Variants in BTRC observed in about 807,000 individuals in gnomAD.
The protein encoded by BTRC is F-box/WD repeat-containing protein 1A.
In BTRC, 42 loss-of-function variants were observed where a neutral mutation model predicts 85.5. That is an observed-to-expected ratio of 0.49 (90% CI 0.38 to 0.64). BTRC has a LOEUF of 0.64. BTRC is among the 30% of genes least tolerant of loss of function. The probability of loss-of-function intolerance (pLI) is 0.00; values close to 1 mark genes in which losing one functional copy is unlikely to be tolerated. For missense variants in BTRC, 594 were observed against 743.5 expected, an observed-to-expected ratio of 0.80 and a Z score of 2.34; for synonymous variants, 255 against 263.3, an observed-to-expected ratio of 0.97 and a Z score of 0.30.
At chr10:101,495,906 C>CT (rs2134274399) in intron 4 of BTRC, among the ~76,000 whole-genome samples, 1 of 151,430 alleles carries the variant, frequency 6.6e-6, no homozygotes, top group Non-Finnish European at 1.5e-5. Context: ...CTACTACCCT[C>CT]TTTAAGTCAC....
intron 1 of BTRC, among the ~76,000 whole-genome samples, chr10:101,424,997 T>G (rs1032564923): frequency 6.6e-6 from 1 of 152,174 alleles, no homozygotes; most frequent in Non-Finnish European, 1.5e-5. Context: ...TTCCCTTCTT[T>G]ATGTCCATGT....
At chr10:101,495,695 G>A (rs1946241519) in intron 4 of BTRC, among the ~76,000 whole-genome samples, 1 of 152,186 alleles carries the variant, frequency 6.6e-6, no homozygotes, top group Non-Finnish European at 1.5e-5. Context: ...GGCTAGGACA[G>A]TCTATCTATA....
intron 3 of BTRC, among the ~76,000 whole-genome samples, chr10:101,473,282 A>G (rs1028533202): frequency 6.8e-6 from 1 of 147,276 alleles, no homozygotes; most frequent in Non-Finnish European, 1.5e-5. Context: ...AAGCCTCTCC[A>G]GTAAATTTTT....
At chr10:101,550,385 A>C (rs1476329615) in intron 13 of BTRC, among the ~76,000 whole-genome samples, 1 of 151,920 alleles carries the variant, frequency 6.6e-6, no homozygotes, top group Non-Finnish European at 1.5e-5. Flanking sequence ...CCCAGGTTCA[A>C]GCAATTCTTC....
chr10:101,448,791 G>A (rs910545298), intron 2 of BTRC, among the ~76,000 whole-genome samples: 2 of 151,910 alleles, frequency 1.3e-5, no homozygotes, highest in Admixed American at 6.6e-5. Flanking sequence ...AGGAAAGCAA[G>A]GGATATAATG....
chr10:101,393,000 C>T (rs1943276435), intron 1 of BTRC, among the ~76,000 whole-genome samples: 2 of 152,266 alleles, frequency 1.3e-5, no homozygotes, highest in South Asian at 4.1e-4. Flanking sequence ...CTTCTTTCAC[C>T]TGCCCCAGGG....
chr10:101,356,352 T>C (rs1001784537), intron 1 of BTRC, among the ~76,000 whole-genome samples: 6 of 152,226 alleles, frequency 3.9e-5, no homozygotes, highest in African/African-American at 1.4e-4. Context: ...TATGGAATAA[T>C]GTGATTTACA....
At chr10:101,382,492 A>G (rs1222512081) in intron 1 of BTRC, among the ~76,000 whole-genome samples, 1 of 151,960 alleles carries the variant, frequency 6.6e-6, no homozygotes, top group African/African-American at 2.4e-5. Context: ...TCAGGGTAAA[A>G]AATTTGGCAG....
intron 1 of BTRC, among the ~76,000 whole-genome samples, chr10:101,385,704 G>T (rs560893128): frequency 7.5e-6 from 1 of 133,560 alleles, no homozygotes; most frequent in South Asian, 2.4e-4. Flanking sequence ...TGAAAATCTG[G>T]TATCACAGGA....
intron 13 of BTRC, among the ~76,000 whole-genome samples, chr10:101,542,277 AT>A (rs941780424): frequency 4.1e-4 from 60 of 147,786 alleles, no homozygotes; most frequent in East Asian, 7.9e-4. Context: ...GGTTTCATTG[AT>A]TTTTTTTTTT....
intron 4 of BTRC, among the ~76,000 whole-genome samples, chr10:101,490,012 C>T (rs1431043600): frequency 6.6e-6 from 1 of 152,134 alleles, no homozygotes; most frequent in Non-Finnish European, 1.5e-5. Flanking sequence ...TTGGCACTTA[C>T]CCAATACACC....
intron 1 of BTRC, among the ~76,000 whole-genome samples, chr10:101,390,914 A>G (rs535904390): frequency 6.6e-6 from 1 of 152,328 alleles, no homozygotes; most frequent in African/African-American, 2.4e-5. Context: ...TATACTTTTT[A>G]AGACTTGTAG....
At chr10:101,472,311 T>TCTCTTCTCTTCTCTTCTCTTCTCTG (rs1945552621) in intron 3 of BTRC, among the ~76,000 whole-genome samples, 4 of 150,532 alleles carry the variant, frequency 2.7e-5, no homozygotes, top group Non-Finnish European at 4.4e-5. Context: ...TCTCTTCTCT[T>TCTCTTCTCTTCTCTTCTCTTCTCTG]CTCTTCTCTT....
intron 4 of BTRC, among the ~76,000 whole-genome samples, chr10:101,481,615 TA>T (rs1945836399): frequency 1.3e-5 from 2 of 152,292 alleles, no homozygotes; most frequent in South Asian, 4.1e-4. Context: ...GGTACATGGT[TA>T]AAAATCTTCT....
chr10:101,519,224 A>AC (rs531882630), intron 4 of BTRC, among the ~76,000 whole-genome samples: 1 of 151,848 alleles, frequency 6.6e-6, no homozygotes, highest in South Asian at 2.1e-4. Flanking sequence ...GATTACAGGC[A>AC]CCCGCCACCA....
intron 1 of BTRC, among the ~76,000 whole-genome samples, chr10:101,392,173 T>G (rs561002978): frequency 8.5e-5 from 13 of 152,288 alleles, no homozygotes; most frequent in African/African-American, 3.1e-4. Context: ...AGCGACTGGG[T>G]TTCACCATGT....
intron 1 of BTRC, among the ~76,000 whole-genome samples, chr10:101,404,028 A>ATTT (rs1176999196): frequency 0.058 from 1,793 of 30,998 alleles, 136 homozygotes; most frequent in South Asian, 0.11. Flanking sequence ...ATATATATAT[A>ATTT]TATTTTTTTT....
At chr10:101,414,494 C>T in intron 1 of BTRC, among the ~76,000 whole-genome samples, 1 of 152,098 alleles carries the variant, frequency 6.6e-6, no homozygotes, top group East Asian at 1.9e-4. Context: ...TATGTACTTA[C>T]TGTACAGTAT....
chr10:101,466,021 T>C (rs1193093716), intron 3 of BTRC, among the ~76,000 whole-genome samples: 1 of 152,236 alleles, frequency 6.6e-6, no homozygotes, highest in Non-Finnish European at 1.5e-5. Context: ...CTTTTATTCC[T>C]ATCTGCAATC....
Sources: gnomAD v4.1 joint callset for allele counts (sites outside exome capture counted in the v4.1 genomes callset) on GRCh38, gnomAD v4.1.1 for gene constraint, MANE v1.5 for transcripts, NCBI Gene and HGNC (gene_info 2026-07-23, HGNC 2026-07-21) for gene names.